SLC35D1: variants seen among roughly 807,000 people sequenced by gnomAD.
The protein encoded by SLC35D1 is nucleotide sugar transporter SLC35D1.
In SLC35D1, 31 loss-of-function variants were observed where a neutral mutation model predicts 46.7. The observed-to-expected ratio is 0.66, with a 90% CI of 0.50 to 0.90. The LOEUF (loss-of-function observed/expected upper bound fraction) is 0.90. SLC35D1 is among the 40% of genes least tolerant of loss of function. SLC35D1 has a pLI of 0.00. For missense variants in SLC35D1, 397 were observed against 426.2 expected, an observed-to-expected ratio of 0.93 and a Z score of 0.60; for synonymous variants, 195 against 164.6, an observed-to-expected ratio of 1.18 and a Z score of -1.41.
chr1:67,021,804 C>T (rs1667811655), intron 8 of SLC35D1, among the ~76,000 whole-genome samples: 1 of 151,266 alleles, frequency 6.6e-6, no homozygotes, highest in South Asian at 2.1e-4. Context: ...GAGTGATGTT[C>T]AAAGATTTCA....
At chr1:67,013,168 A>ATATATGTATATATATATATATATATG (rs1377502574) in intron 10 of SLC35D1, among the ~76,000 whole-genome samples, 1 of 143,352 alleles carries the variant, frequency 7.0e-6, no homozygotes. Flanking sequence ...ATATATATAT[A>ATATATGTATATATATATATATATATG]TCCTGTTCTT....
chr1:67,008,965 G>A (rs1298179898), intron 11 of SLC35D1, 120 bp downstream of exon 11: 2 of 542,194 alleles, frequency 3.7e-6, no homozygotes, highest in Non-Finnish European at 6.9e-6. Context: ...CACATAGAAG[G>A]CACTCCACAT....
Position 67,043,898 on chromosome 1 carries a change from G to C in SLC35D1, c.637-1570C>G, listed in dbSNP as rs961680081. 2.0e-5 allele frequency among the ~76,000 whole-genome samples: 3 copies of C among 152,170 alleles called. No homozygotes were observed. The East Asian group carries it at 5.8e-4, about 29-fold the overall frequency. ...GGCCAGGGTTTGAGAGGTGGGAAGT[G>C]GGGACAGTGAGGGAGTGGTAAGGAT... On this transcript the variant is annotated intron_variant, in intron 7 of 11. Coordinates refer to ENST00000235345, the MANE Select transcript of SLC35D1 (RefSeq NM_015139.3).
At chr1:67,010,948 C>G in intron 10 of SLC35D1, among the ~76,000 whole-genome samples, 1 of 152,120 alleles carries the variant, frequency 6.6e-6, no homozygotes, top group East Asian at 1.9e-4. Context: ...TTGTCCAGAT[C>G]TAGGAAACAC....
rs113235471 is a variant in SLC35D1, at chr1:67,019,967, C to T, written c.876+402G>A. ...TTTGGCTCAGGCATAGGAAAACCCCCCCAATTAGCTTCTGGCCAGCATACT... is the reference window on the plus strand; with the variant it reads ...TTTGGCTCAGGCATAGGAAAACCCCTCCAATTAGCTTCTGGCCAGCATACT... On this transcript the variant is annotated intron_variant, in intron 10 of 11. Transcript: ENST00000235345. Among the ~76,000 whole-genome samples, 492 of 152,218 alleles carry T rather than the reference C, an allele frequency of 3.2e-3. 6 individuals are homozygous for T. The highest frequency in any genetic ancestry group is 0.011 in the African/African-American group (466 of 41,536).
chr1:67,013,728 CTT>C (rs959021289), intron 10 of SLC35D1, among the ~76,000 whole-genome samples: 4 of 152,076 alleles, frequency 2.6e-5, no homozygotes, highest in South Asian at 2.1e-4. Flanking sequence ...AGAAATGTGA[CTT>C]GTGTGTGTGT....
At chr1:66,996,592 C>A (rs1667240994), downstream of SLC35D1, among the ~76,000 whole-genome samples, 1 of 152,210 alleles carries the variant, frequency 6.6e-6, no homozygotes, top group Admixed American at 6.5e-5. Flanking sequence ...TGAACTCAGT[C>A]TGGCTTGATG....
At chr1:67,041,512 C>T (rs1645180828) in intron 8 of SLC35D1, among the ~76,000 whole-genome samples, 1 of 152,114 alleles carries the variant, frequency 6.6e-6, no homozygotes, top group South Asian at 2.1e-4. Context: ...AGTTACTAGC[C>T]AGGGGAATCA....
At chr1:67,020,589 C>T (rs1667776693) in intron 9 of SLC35D1, 142 bp from the exon 10 acceptor site, 3 of 663,758 alleles carry the variant, frequency 4.5e-6, no homozygotes, top group Non-Finnish European at 8.2e-6. Context: ...GCTTCTTATA[C>T]TGCAGCTTCA....
the SLC35D1 span, among the ~76,000 whole-genome samples, chr1:66,992,043 T>A: frequency 1.8e-3 from 281 of 152,346 alleles, 2 homozygotes; most frequent in Middle Eastern, 0.01. Flanking sequence ...TAGGTAATAG[T>A]ACAGGTCTAC....
the SLC35D1 span, among the ~76,000 whole-genome samples, chr1:66,975,137 A>C: frequency 1.3e-5 from 2 of 152,210 alleles, no homozygotes; most frequent in Admixed American, 1.3e-4. Context: ...CTTTAGGTGC[A>C]ATCAGTGCTA....
intron 10 of SLC35D1, among the ~76,000 whole-genome samples, chr1:67,019,300 C>G (rs934685864): frequency 6.6e-6 from 1 of 152,212 alleles, no homozygotes; most frequent in Non-Finnish European, 1.5e-5. Context: ...AAAACCAAAA[C>G]ATACCTAGAG....
chr1:67,026,246 T>G (rs1046081860), intron 8 of SLC35D1, among the ~76,000 whole-genome samples: 1 of 152,228 alleles, frequency 6.6e-6, no homozygotes, highest in Non-Finnish European at 1.5e-5. Flanking sequence ...TTTTGTCAAA[T>G]AGGTTTTCTG....
At chr1:66,977,113 CTTT>C in the SLC35D1 span, among the ~76,000 whole-genome samples, 1 of 144,028 alleles carries the variant, frequency 6.9e-6, no homozygotes, top group Non-Finnish European at 1.5e-5. Context: ...TTTTAATCTT[CTTT>C]TTTTTTTTTT....
intron 6 of SLC35D1, among the ~76,000 whole-genome samples, chr1:67,048,424 G>C (rs1271181127): frequency 6.6e-6 from 1 of 152,236 alleles, no homozygotes; most frequent in East Asian, 1.9e-4. Context: ...AAAGGTAGGA[G>C]GCTAGCATAG....
At chr1:67,052,535 A>C (rs1645320567) in intron 3 of SLC35D1, among the ~76,000 whole-genome samples, 1 of 152,228 alleles carries the variant, frequency 6.6e-6, no homozygotes, top group African/African-American at 2.4e-5. Flanking sequence ...ACTCTCAACA[A>C]GTGTGCATTA....
chr1:66,991,793 G>GTTT, the SLC35D1 span, among the ~76,000 whole-genome samples: 5 of 139,808 alleles, frequency 3.6e-5, no homozygotes, highest in African/African-American at 1.6e-4. Context: ...AATATTTACA[G>GTTT]CTTTTTTTTT....
At chr1:67,037,887 T>C (rs964011050) in intron 8 of SLC35D1, among the ~76,000 whole-genome samples, 24 of 152,254 alleles carry the variant, frequency 1.6e-4, no homozygotes, top group African/African-American at 5.5e-4. Flanking sequence ...GAAAGTAAAC[T>C]GTTAGGAAAC....
chr1:67,015,989 C>T (rs750269452), intron 10 of SLC35D1, among the ~76,000 whole-genome samples: 1 of 151,698 alleles, frequency 6.6e-6, no homozygotes, highest in Non-Finnish European at 1.5e-5. Flanking sequence ...GTTTTTTTGA[C>T]CTCAAACTAA....
Sources: allele counts gnomAD v4.1 joint callset (sites outside exome capture counted in the v4.1 genomes callset), GRCh38; gene constraint gnomAD v4.1.1; transcripts MANE v1.5; gene names NCBI Gene and HGNC (gene_info 2026-07-23, HGNC 2026-07-21).